Variants in TSC2 observed in about 807,000 individuals in gnomAD.
The protein encoded by TSC2 is tuberin.
In TSC2, 29 loss-of-function variants were observed where a neutral mutation model predicts 202.2. The ratio of observed to expected loss-of-function variants is 0.14; its 90% CI spans 0.11 to 0.20. The LOEUF (loss-of-function observed/expected upper bound fraction) is 0.20, where lower values mean the gene tolerates loss of function less well. Ranked by LOEUF, TSC2 falls within the 10% of genes least tolerant of loss-of-function variation. TSC2 has a pLI of 1.00. For missense variants in TSC2, 2,429 were observed against 2,420.0 expected (o/e 1.00, Z -0.08); for synonymous variants, 1,349 against 1,044.0 (o/e 1.29, Z -5.63).
chr16:2,062,672 T>G (rs911988974), intron 13 of TSC2, 72 bp downstream of exon 13: 8 of 1,492,540 alleles, frequency 5.4e-6, no homozygotes, highest in Non-Finnish European at 7.3e-6. Flanking sequence ...CCACCCGGGC[T>G]GGGTCTCAGG....
chr16:2,079,533 C>T lies in TSC2; in HGVS notation c.3285-24C>T, dbSNP rs376375917. 2.6e-5 allele frequency: 42 copies of T among 1,606,266 alleles called. No individual in the cohort carries two copies. Among genetic ancestry groups the T allele is most frequent in the Middle Eastern group, 3.3e-4 (2 of 6,076 alleles). On this transcript the variant is annotated intron_variant, in intron 28 of 41. Transcript: ENST00000219476. This position sits in a 1 kb window ranked among gnomAD's most constrained non-coding sequence, Gnocchi z 4.6. ...TACCAGCCTGGGGACTAAGTCCACCCTGTGCGTGGGATTCTCTTCTCAGCT... is the reference window on the plus strand; with the variant it reads ...TACCAGCCTGGGGACTAAGTCCACCTTGTGCGTGGGATTCTCTTCTCAGCT...
rs746315218 is a variant in TSC2, at chr16:2,071,872, G to T, written c.2035G>T (p.Val679Leu). ...PPGPAPAGPA[V>L]RLGSVPYSLL... ...TGGCCCGGCGCCTGCAGGCCCCGCCGTGCGGCTGGGGTCCGTGCCCTACTC... is the reference window on the plus strand; with the variant it reads ...TGGCCCGGCGCCTGCAGGCCCCGCCTTGCGGCTGGGGTCCGTGCCCTACTC... The change falls in exon 19 of 42, where the codon GTG becomes TTG. Residue 679 changes from valine to leucine, a missense_variant. By Grantham distance (32) the Val-to-Leu change is conservative. Coordinates refer to ENST00000219476, the MANE Select transcript of TSC2 (RefSeq NM_000548.5). 1 of 1,596,052 alleles carries T rather than the reference G, an allele frequency of 6.3e-7. No homozygotes were observed. The highest frequency in any genetic ancestry group is 2.3e-5 in the East Asian group (1 of 43,946).
chr16:2,084,865 TG>T, intron 34 of TSC2, 85 bp from the exon 35 acceptor site: 1 of 1,603,898 alleles, frequency 6.2e-7, no homozygotes, highest in South Asian at 1.1e-5. Flanking sequence ...GAGTGGGAGA[TG>T]GCCAGGCTCT....
intron 20 of TSC2, chr16:2,072,570 G>A: frequency 1.2e-6 from 1 of 850,144 alleles, no homozygotes; most frequent in Non-Finnish European, 1.8e-6. Flanking sequence ...TGACGTCAGA[G>A]GTCCCCAGCC....
At chr16:2,048,521 G>A (rs2084650290) in intron 1 of TSC2, 66 bp from the exon 2 acceptor site, 23 of 1,599,610 alleles carry the variant, frequency 1.4e-5, no homozygotes, top group South Asian at 6.7e-5. Context: ...ACGGCTGGAG[G>A]TCCGCAGTGG....
chr16:2,073,537 G>A (rs1367905998), intron 21 of TSC2, among the ~76,000 whole-genome samples: 1 of 152,262 alleles, frequency 6.6e-6, no homozygotes, highest in African/African-American at 2.4e-5. Flanking sequence ...CTGAGGCTTG[G>A]CCCATCTGTG....
chr16:2,082,571 T>C (rs113445293), intron 32 of TSC2, 67 bp downstream of exon 32: 12 of 1,567,732 alleles, frequency 7.7e-6, no homozygotes, highest in African/African-American at 5.4e-5. Context: ...GCTGTGCTCG[T>C]CGCCTCATCC....
intron 17 of TSC2, 133 bp downstream of exon 17, chr16:2,070,711 C>T: frequency 6.9e-7 from 1 of 1,447,868 alleles, no homozygotes; most frequent in Non-Finnish European, 9.3e-7. Flanking sequence ...TCCTCTGCAC[C>T]CACTGTGGCC....
In TSC2 at chr16:2,084,257, G is replaced by C. The variant is rs1335576471; in HGVS notation, c.4035G>C (p.Lys1345Asn). The C allele has an allele frequency of 1.2e-6, 2 of 1,604,986 alleles. No individual in the cohort carries two copies. Among genetic ancestry groups the C allele is most frequent in the Non-Finnish European group, 1.7e-6 (2 of 1,175,904 alleles). The stretch of plus-strand genomic sequence containing the variant: ...CCTCAGTCTCCAGCCAGGAGGAGAA[G>C]TCGCTCCACGCGGAGGAGCTGGTTG... ...RSSSVSSQEE[K>N]SLHAEELVGR... The change falls in exon 34 of 42, where the codon AAG becomes AAC. Residue 1345 changes from lysine to asparagine, a missense_variant. Coordinates refer to ENST00000219476, the MANE Select transcript of TSC2 (RefSeq NM_000548.5).
intron 9 of TSC2, among the ~76,000 whole-genome samples, 166 bp from the exon 10 acceptor site, chr16:2,058,581 G>A (rs1353518997): frequency 1.3e-5 from 2 of 152,214 alleles, no homozygotes; most frequent in African/African-American, 2.4e-5. Flanking sequence ...GAACAAGAGT[G>A]TTACTGCTGG....
At chr16:2,057,489 C>T (rs1444639285) in intron 9 of TSC2, among the ~76,000 whole-genome samples, 1 of 152,128 alleles carries the variant, frequency 6.6e-6, no homozygotes, top group Non-Finnish European at 1.5e-5. Context: ...TGACGTTGCC[C>T]TTGCCCTCAC....
intron 16 of TSC2, among the ~76,000 whole-genome samples, chr16:2,067,743 C>G (rs976347708): frequency 6.6e-6 from 1 of 152,152 alleles, no homozygotes; most frequent in African/African-American, 2.4e-5. Flanking sequence ...GCACTCCAGC[C>G]TAGGCAACAA....
rs369864931 is a variant in TSC2, at chr16:2,087,810, C to G, written c.4990-53C>G. On this transcript the variant is annotated intron_variant, in intron 38 of 41. Transcript: ENST00000219476. ...AGTGCAACCAGGCAGTAGCCGAGAT[C>G]AGCCTTCAGCACACGCTGTGTGCGG... The G allele has an allele frequency of 8.9e-4, 1,416 of 1,598,538 alleles. 24 individuals carry two copies. In the South Asian group the frequency reaches 0.015, roughly 17 times the overall value.
chr16:2,079,718 G>T lies in TSC2; in HGVS notation c.3397+49G>T, dbSNP rs1720418627. 6.6e-6 allele frequency: 10 copies of T among 1,526,002 alleles called. No individual in the cohort carries two copies. The highest frequency in any genetic ancestry group is 7.1e-6 in the Non-Finnish European group (8 of 1,132,150). The allele number at this position is 1,526,002 out of a possible 1,614,324, so 94.5% of individuals were successfully genotyped here. On this transcript the variant is annotated intron_variant, in intron 29 of 41. Transcript: ENST00000219476. The surrounding 1 kb of genome is among the most constrained non-coding windows in gnomAD (Gnocchi z 4.6). Reference sequence around the variant, plus strand: ...CCACACAGGCACCGGGGCTCCCTCAGTTGCTGCTGGTCCCAGTGTTCAGGA... The same window carrying T: ...CCACACAGGCACCGGGGCTCCCTCATTTGCTGCTGGTCCCAGTGTTCAGGA...
At chr16:2,064,702 G>A in intron 15 of TSC2, 1 of 545,944 alleles carries the variant, frequency 1.8e-6, no homozygotes, top group Non-Finnish European at 3.3e-6. Context: ...CAGACCTGGG[G>A]CTGGGGCTTT....
At chr16:2,071,758 C>T (rs1298048855) in intron 18 of TSC2, 26 bp from the exon 19 acceptor site, 3 of 1,602,570 alleles carry the variant, frequency 1.9e-6, no homozygotes, top group Non-Finnish European at 2.6e-6. Flanking sequence ...GGGACTTGGC[C>T]TCAGCTGCTT....
chr16:2,057,378 A>AT (rs1447723171), intron 9 of TSC2, among the ~76,000 whole-genome samples, 200 bp downstream of exon 9: 2 of 152,168 alleles, frequency 1.3e-5, no homozygotes, highest in African/African-American at 4.8e-5. Context: ...GTTCAACAGA[A>AT]TATCCACACC....
Position 2,088,572 on chromosome 16 carries a change from C to T in TSC2, c.5386C>T (p.Leu1796Phe), listed in dbSNP as rs45455398. The T allele has an allele frequency of 1.2e-6, 2 of 1,609,438 alleles. No individual in the cohort carries two copies. The highest frequency in any genetic ancestry group is 1.7e-5 in the Admixed American group (1 of 60,000). The change falls in exon 42 of 42, where the codon CTC (leucine) becomes TTC (phenylalanine). Residue 1796 changes from leucine (L) to phenylalanine (F), a missense_variant. By Grantham distance (22) the Leu-to-Phe change is conservative. Transcript: ENST00000219476. ...CTATGAGGTGGGCCAGCGGAAGCGC[C>T]TCATCTCCTCGGTGGAGGACTTCAC... ...PGYEVGQRKR[L>F]ISSVEDFTEF...
intron 10 of TSC2, 53 bp downstream of exon 10, chr16:2,058,926 A>C (rs1425746843): frequency 6.3e-7 from 1 of 1,578,224 alleles, no homozygotes; most frequent in South Asian, 1.1e-5. Flanking sequence ...AGCTCCCCTC[A>C]CGCCTGCCCA....
Sources: allele counts gnomAD v4.1 joint callset (sites outside exome capture counted in the v4.1 genomes callset), GRCh38; gene constraint gnomAD v4.1.1; non-coding constraint Gnocchi (gnomAD v3.1); transcripts MANE v1.5; gene names NCBI Gene and HGNC (gene_info 2026-07-23, HGNC 2026-07-21).